The following ERBB4 variants were observed in gnomAD, a reference collection of about 807,000 sequenced individuals.
ERBB4 encodes the protein receptor tyrosine-protein kinase erbB-4.
ERBB4 carries 42 observed loss-of-function variants against 158.0 expected under a neutral mutation model. The ratio of observed to expected loss-of-function variants is 0.27; its 90% CI spans 0.21 to 0.34. The LOEUF (loss-of-function observed/expected upper bound fraction) is 0.34, where lower values mean the gene tolerates loss of function less well. Ranked by LOEUF, ERBB4 falls within the 10% of genes least tolerant of loss-of-function variation. The pLI is 1.00. For missense variants in ERBB4, 1,333 were observed against 1,624.1 expected (o/e 0.82, Z 3.08); for synonymous variants, 583 against 558.7 (o/e 1.04, Z -0.61).
At chr2:211,857,159 T>TGTGTG (rs1559580743) in intron 3 of ERBB4, among the ~76,000 whole-genome samples, 1 of 107,078 alleles carries the variant, frequency 9.3e-6, no homozygotes, top group Admixed American at 8.3e-5. Context: ...CTGTGTGTGT[T>TGTGTG]TGTGTGTGTG....
intron 3 of ERBB4, among the ~76,000 whole-genome samples, chr2:211,898,849 G>A (rs1339044787): frequency 6.6e-6 from 1 of 152,026 alleles, no homozygotes. Flanking sequence ...TCAAAGTATG[G>A]GACCTACAGA....
chr2:211,808,039 G>A (rs368680991), intron 3 of ERBB4, among the ~76,000 whole-genome samples: 3 of 152,268 alleles, frequency 2.0e-5, no homozygotes, highest in South Asian at 4.1e-4. Context: ...TTTGTCAGAT[G>A]GATAGATTGT....
At chr2:212,029,084 G>A (rs1286608812) in intron 2 of ERBB4, among the ~76,000 whole-genome samples, 2 of 151,972 alleles carry the variant, frequency 1.3e-5, no homozygotes, top group South Asian at 2.1e-4. Flanking sequence ...ATGACCTGAT[G>A]ACCCCAAGTT....
chr2:211,580,341 G>A lies in ERBB4; in HGVS notation c.2302-18253C>T, dbSNP rs540057112. 3.3e-5 allele frequency among the ~76,000 whole-genome samples: 5 copies of A among 152,094 alleles called. No individual in the cohort carries two copies. The East Asian group carries it at 5.8e-4, about 18-fold the overall frequency. ...CTATCAAAAACTGGGCTAAGGACAC[G>A]AATAGACAATTCTCAAAAGAAGATG... On this transcript the variant is annotated intron_variant, in intron 19 of 27. Transcript: ENST00000342788.
At chr2:211,506,270 T>A (rs73071138) in intron 20 of ERBB4, among the ~76,000 whole-genome samples, 8,283 of 152,068 alleles carry the variant, frequency 0.054, 757 homozygotes, top group African/African-American at 0.19. Flanking sequence ...AAACAAATGC[T>A]ACTAGACCCA....
At chr2:212,460,480 C>T (rs144401449) in intron 1 of ERBB4, among the ~76,000 whole-genome samples, 1,989 of 152,200 alleles carry the variant, frequency 0.013, 12 homozygotes, top group Non-Finnish European at 0.019. Flanking sequence ...GAGGTGGTCT[C>T]AGATGGAGAT....
intron 4 of ERBB4, among the ~76,000 whole-genome samples, chr2:211,780,572 T>C (rs1273889777): frequency 6.6e-6 from 1 of 152,120 alleles, no homozygotes; most frequent in East Asian, 1.9e-4. Flanking sequence ...TTCTTATAAA[T>C]AGAGTGTCAA....
At chr2:212,250,570 A>G (rs1298221260) in intron 1 of ERBB4, among the ~76,000 whole-genome samples, 1 of 151,986 alleles carries the variant, frequency 6.6e-6, no homozygotes, top group Admixed American at 6.6e-5. Context: ...ACACAGGATT[A>G]ATAACAGGAA....
intron 3 of ERBB4, among the ~76,000 whole-genome samples, chr2:211,852,961 A>G (rs2077755322): frequency 1.3e-5 from 2 of 151,986 alleles, no homozygotes; most frequent in Non-Finnish European, 2.9e-5. Context: ...TTAACTTCCT[A>G]AATTTTTCAT....
rs563749146 is a variant in ERBB4, at chr2:211,667,949, C to A, written c.1717-2472G>T. Among the ~76,000 whole-genome samples, 3 of 152,196 alleles carry A rather than the reference C, an allele frequency of 2.0e-5. No individual in the cohort carries two copies. The East Asian group carries it at 5.8e-4, about 29-fold the overall frequency. On this transcript the variant is annotated intron_variant, in intron 14 of 27. Transcript: ENST00000342788. ...CTTAATGACCGGGATATATTCTGAG[C>A]AATGCATCATTAGGTGATTTCATCA...
intron 3 of ERBB4, among the ~76,000 whole-genome samples, chr2:211,808,101 C>A (rs544233585): frequency 6.6e-6 from 1 of 152,256 alleles, no homozygotes; most frequent in African/African-American, 2.4e-5. Context: ...ATGGTAGTTT[C>A]TCTTGCTGTG....
chr2:212,171,530 C>T (rs573821789), intron 1 of ERBB4, among the ~76,000 whole-genome samples: 3 of 152,136 alleles, frequency 2.0e-5, no homozygotes, highest in South Asian at 2.1e-4. Context: ...TGGCTCTGGG[C>T]CCCAACAAGT....
chr2:211,685,329 G>A (rs2072519022), intron 12 of ERBB4, among the ~76,000 whole-genome samples: 2 of 152,084 alleles, frequency 1.3e-5, no homozygotes, highest in Admixed American at 6.6e-5. Flanking sequence ...GTAGCTTAGG[G>A]TTCGTTTATT....
At chr2:212,090,760 T>G (rs1250095965) in intron 2 of ERBB4, among the ~76,000 whole-genome samples, 1 of 152,190 alleles carries the variant, frequency 6.6e-6, no homozygotes, top group Non-Finnish European at 1.5e-5. Flanking sequence ...GTACAATGCC[T>G]TCATCAACAT....
intron 1 of ERBB4, among the ~76,000 whole-genome samples, chr2:212,241,432 T>G (rs1178197854): frequency 6.6e-6 from 1 of 152,138 alleles, no homozygotes; most frequent in Admixed American, 6.5e-5. Flanking sequence ...AGGTCCAAGA[T>G]TTTATTAACT....
chr2:211,389,250 T>G (rs767819574), intron 25 of ERBB4, among the ~76,000 whole-genome samples: 16 of 152,192 alleles, frequency 1.1e-4, no homozygotes, highest in Admixed American at 2.6e-4. Context: ...TTAGCCAGGA[T>G]AGTCTCAATC....
chr2:211,395,518 T>A (rs917467567), intron 25 of ERBB4, among the ~76,000 whole-genome samples: 5 of 152,088 alleles, frequency 3.3e-5, no homozygotes, highest in African/African-American at 7.2e-5. Flanking sequence ...ATTTATTTTT[T>A]AAATATAGCT....
chr2:212,289,001 A>G (rs949368815), intron 1 of ERBB4, among the ~76,000 whole-genome samples: 27 of 152,258 alleles, frequency 1.8e-4, no homozygotes, highest in Middle Eastern at 6.8e-3. Context: ...CCAGACTGAC[A>G]GAAAGCCGTG....
chr2:212,195,825 G>A (rs2082410970), intron 1 of ERBB4, among the ~76,000 whole-genome samples: 1 of 152,058 alleles, frequency 6.6e-6, no homozygotes. Flanking sequence ...CCAGAACCAA[G>A]GGAATACATG....
Sources: gnomAD v4.1 joint callset for allele counts (sites outside exome capture counted in the v4.1 genomes callset) on GRCh38, gnomAD v4.1.1 for gene constraint, MANE v1.5 for transcripts, NCBI Gene and HGNC (gene_info 2026-07-23, HGNC 2026-07-21) for gene names.